The following PUDP variants were observed in gnomAD, a reference collection of about 807,000 sequenced individuals.
PUDP encodes the protein pseudouridine-5'-phosphatase.
A neutral mutation model predicts 9.4 loss-of-function variants in PUDP; 8 were observed. The observed-to-expected ratio is 0.85, with a 90% CI of 0.50 to 1.53. The LOEUF (loss-of-function observed/expected upper bound fraction) is 1.53, where lower values mean the gene tolerates loss of function less well. Among genes scored for constraint, PUDP ranks in the 40% most tolerant of loss-of-function variants. The pLI is 0.00. For synonymous variants in PUDP, 99 were observed against 80.7 expected, an observed-to-expected ratio of 1.23 and a Z score of -1.22; for missense variants, 188 against 189.7, an observed-to-expected ratio of 0.99 and a Z score of 0.05.
At chrX:7,018,883 G>A (rs1241628333) in intron 1 of PUDP, among the ~76,000 whole-genome samples, 1 of 112,073 alleles carries the variant, frequency 8.9e-6, no homozygotes, top group African/African-American at 3.2e-5. Flanking sequence ...GATTGATAAC[G>A]TTCACTAAAC....
At chrX:6,997,651 A>ATT (rs1929269049) in intron 1 of PUDP, among the ~76,000 whole-genome samples, 1 of 112,303 alleles carries the variant, frequency 8.9e-6, no homozygotes, top group Admixed American at 9.5e-5. Context: ...TTTTTCAAAG[A>ATT]TTAGAAGAAC....
intron 1 of PUDP, among the ~76,000 whole-genome samples, chrX:7,137,440 G>A (rs1329195071): frequency 1.8e-5 from 2 of 109,802 alleles, no homozygotes; most frequent in African/African-American, 6.7e-5. Context: ...CCAGCTTCTC[G>A]GGAGGCTGAG....
intron 3 of PUDP, among the ~76,000 whole-genome samples, chrX:6,731,964 A>G (rs1340975332): frequency 8.9e-6 from 1 of 112,294 alleles, no homozygotes; most frequent in Admixed American, 9.4e-5. Flanking sequence ...GTACTCCATC[A>G]TATTTCATAT....
At chrX:7,065,515 T>C (rs1930525545) in intron 3 of PUDP, among the ~76,000 whole-genome samples, 1 of 112,411 alleles carries the variant, frequency 8.9e-6, no homozygotes, top group African/African-American at 3.2e-5. Flanking sequence ...TCCTGACTGA[T>C]CCATCTGTTT....
intron 1 of PUDP, among the ~76,000 whole-genome samples, chrX:6,992,355 C>G (rs1929194419): frequency 1.2e-5 from 1 of 82,164 alleles, no homozygotes; most frequent in Non-Finnish European, 2.5e-5. Context: ...TCACTGCAAG[C>G]TCCGCTTCCC....
At chrX:6,982,811 C>G (rs184531189) in intron 1 of PUDP, among the ~76,000 whole-genome samples, 2 of 112,421 alleles carry the variant, frequency 1.8e-5, no homozygotes. Flanking sequence ...CAGGAATGAG[C>G]AAAAATGGCC....
chrX:7,002,509 C>T (rs1929340815), intron 1 of PUDP, among the ~76,000 whole-genome samples: 1 of 111,713 alleles, frequency 9.0e-6, no homozygotes, highest in African/African-American at 3.3e-5. Context: ...GTGAGTAACC[C>T]AACCTTTTGG....
At chrX:6,779,717 C>T (rs1025548662) in intron 3 of PUDP, among the ~76,000 whole-genome samples, 4 of 111,198 alleles carry the variant, frequency 3.6e-5, no homozygotes, top group African/African-American at 1.3e-4. Context: ...ATCTCTTGAG[C>T]CCAGGAGTTC....
intron 3 of PUDP, among the ~76,000 whole-genome samples, chrX:6,788,850 T>C: frequency 8.9e-6 from 1 of 112,313 alleles, no homozygotes; most frequent in Middle Eastern, 4.6e-3. Context: ...CAAAACGAAA[T>C]AAAGGGTCAC....
At chrX:6,967,323 G>A (rs1392850679) in intron 3 of PUDP, among the ~76,000 whole-genome samples, 1 of 111,536 alleles carries the variant, frequency 9.0e-6, no homozygotes, top group Non-Finnish European at 1.9e-5. Context: ...TCCCCAGCAT[G>A]TTTTTCTTGC....
chrX:7,134,862 A>G (rs1230989321), intron 1 of PUDP, among the ~76,000 whole-genome samples: 1 of 112,669 alleles, frequency 8.9e-6, no homozygotes, highest in East Asian at 2.8e-4. Context: ...TGATTATTTG[A>G]GGCCAGAACA....
At chrX:7,121,414 C>T (rs1012469399) in intron 1 of PUDP, among the ~76,000 whole-genome samples, 2 of 111,816 alleles carry the variant, frequency 1.8e-5, no homozygotes, top group African/African-American at 6.5e-5. Flanking sequence ...CAGTGCCATC[C>T]TTTCTGGGGC....
At chrX:6,801,577 CCA>C (rs1418513408) in intron 3 of PUDP, among the ~76,000 whole-genome samples, 2 of 111,375 alleles carry the variant, frequency 1.8e-5, no homozygotes, top group East Asian at 5.6e-4. Context: ...GTCCCCCTCG[CCA>C]CACACACACC....
At chrX:7,090,029 G>A (rs1457321945) in intron 2 of PUDP, among the ~76,000 whole-genome samples, 1 of 111,608 alleles carries the variant, frequency 9.0e-6, no homozygotes, top group African/African-American at 3.3e-5. Context: ...TTCATGCACA[G>A]ACCAGATAGG....
At position 6,890,935 on chromosome X, in the gene PUDP, C is replaced by CAAAAA. The variant is rs764486249; in HGVS notation, c.*247+86193_*247+86197dup. On this transcript the variant is annotated intron_variant and NMD_transcript_variant, in intron 3 of 3. Coordinates refer to the PUDP transcript ENST00000655425. ...GGCACATGATGAGGCCTCATCTCTC[C>CAAAAA]AAAAAAAAAAAAAAAAAAAAAAAAA... Among the ~76,000 whole-genome samples the CAAAAA allele has an allele frequency of 3.0e-4, 10 of 33,133 alleles. 1 individual carries two copies. Among genetic ancestry groups the CAAAAA allele is most frequent in the African/African-American group, 8.9e-4 (6 of 6,753 alleles). 28.8% of individuals were successfully genotyped at this position (33,133 alleles called of 115,157 possible). A position where few individuals can be genotyped will look rare whatever the true frequency, so the allele number is the denominator to read the frequency against.
chrX:6,837,333 G>T (rs1401194197), intron 3 of PUDP, among the ~76,000 whole-genome samples: 1 of 112,610 alleles, frequency 8.9e-6, no homozygotes, highest in Non-Finnish European at 1.9e-5. Flanking sequence ...CAATGAGAAG[G>T]CAGATTTCTC....
intron 3 of PUDP, among the ~76,000 whole-genome samples, chrX:6,778,589 G>A (rs185121612): frequency 8.0e-4 from 90 of 112,570 alleles, no homozygotes; most frequent in Non-Finnish European, 1.3e-3. Flanking sequence ...AGTACTTGAG[G>A]AAATGTCAGG....
chrX:7,023,581 A>G (rs1339865649), intron 1 of PUDP, among the ~76,000 whole-genome samples: 1 of 112,060 alleles, frequency 8.9e-6, no homozygotes, highest in Non-Finnish European at 1.9e-5. Flanking sequence ...TTGCATATGA[A>G]TATCCAGTTG....
intron 1 of PUDP, among the ~76,000 whole-genome samples, chrX:6,712,991 G>A (rs1924551419): frequency 8.9e-6 from 1 of 111,949 alleles, no homozygotes; most frequent in Admixed American, 9.4e-5. Context: ...AAGTTTCGGT[G>A]AGCCAAGATC....
Sources: allele counts gnomAD v4.1 joint callset (sites outside exome capture counted in the v4.1 genomes callset), GRCh38; gene constraint gnomAD v4.1.1; transcripts MANE v1.5; gene names NCBI Gene and HGNC (gene_info 2026-07-23, HGNC 2026-07-21).